The following LRRTM4 variants were observed in gnomAD, a reference collection of about 807,000 sequenced individuals.
LRRTM4 encodes the protein leucine-rich repeat transmembrane neuronal protein 4.
Under a neutral mutation model 47.6 loss-of-function variants are expected in LRRTM4, and 25 were observed. That is an observed-to-expected ratio of 0.53 (90% CI 0.38 to 0.73). The LOEUF (loss-of-function observed/expected upper bound fraction) is 0.73. Among genes scored for constraint, LRRTM4 ranks in the 30% least tolerant of loss-of-function variants. The pLI is 0.00. For missense variants in LRRTM4, 638 were observed against 713.4 expected, an observed-to-expected ratio of 0.89 and a Z score of 1.20; for synonymous variants, 311 against 269.5, an observed-to-expected ratio of 1.15 and a Z score of -1.51.
chr2:76,876,696 A>G (rs1292241261), intron 3 of LRRTM4, among the ~76,000 whole-genome samples: 1 of 151,994 alleles, frequency 6.6e-6, no homozygotes. Flanking sequence ...CACTATTAAC[A>G]TGACTTTTAG....
At chr2:76,871,720 A>G (rs759096829) in intron 3 of LRRTM4, among the ~76,000 whole-genome samples, 29 of 152,306 alleles carry the variant, frequency 1.9e-4, no homozygotes, top group Non-Finnish European at 3.8e-4. Context: ...TGTATTACAT[A>G]CAATTGTGTA....
At chr2:77,327,980 A>T (rs1670839944) in intron 3 of LRRTM4, among the ~76,000 whole-genome samples, 1 of 152,142 alleles carries the variant, frequency 6.6e-6, no homozygotes, top group African/African-American at 2.4e-5. Flanking sequence ...CTGAAAACAT[A>T]TAGGGAAAGA....
chr2:77,105,329 C>G (rs1671065988), intron 3 of LRRTM4, among the ~76,000 whole-genome samples: 1 of 151,970 alleles, frequency 6.6e-6, no homozygotes, highest in Non-Finnish European at 1.5e-5. Context: ...CATTGTTGGA[C>G]AAATGATGAG....
intron 3 of LRRTM4, among the ~76,000 whole-genome samples, chr2:77,247,627 G>C (rs183957357): frequency 6.6e-6 from 1 of 151,932 alleles, no homozygotes; most frequent in African/African-American, 2.4e-5. Context: ...TCATAACTTA[G>C]TTGCTCACCA....
At chr2:77,500,183 C>T (rs1170385424) in intron 3 of LRRTM4, among the ~76,000 whole-genome samples, 1 of 151,668 alleles carries the variant, frequency 6.6e-6, no homozygotes, top group Non-Finnish European at 1.5e-5. Flanking sequence ...GACCAAATCA[C>T]CCACAGTAAG....
chr2:77,214,142 A>T (rs7580546), intron 3 of LRRTM4, among the ~76,000 whole-genome samples: 29,982 of 152,040 alleles, frequency 0.2, 5,678 homozygotes, highest in African/African-American at 0.49. Flanking sequence ...ACTTGAGAGT[A>T]CATGATCTTA....
At chr2:77,510,250 C>CA (rs1558776597) in intron 3 of LRRTM4, among the ~76,000 whole-genome samples, 1 of 151,772 alleles carries the variant, frequency 6.6e-6, no homozygotes, top group Non-Finnish European at 1.5e-5. Context: ...TTAAAGGAAA[C>CA]AAGAAATCAA....
chr2:77,004,608 C>T (rs1281105067), intron 3 of LRRTM4, among the ~76,000 whole-genome samples: 8 of 152,178 alleles, frequency 5.3e-5, no homozygotes, highest in Admixed American at 5.2e-4. Flanking sequence ...TCGGAGCCCC[C>T]ACACAGAGTC....
chr2:77,168,172 T>C (rs1467932041), intron 3 of LRRTM4, among the ~76,000 whole-genome samples: 5 of 152,170 alleles, frequency 3.3e-5, no homozygotes, highest in Non-Finnish European at 7.4e-5. Flanking sequence ...TCATATGTTC[T>C]GTAATTTATA....
chr2:77,377,329 T>A (rs1405531283), intron 3 of LRRTM4, among the ~76,000 whole-genome samples: 2 of 151,972 alleles, frequency 1.3e-5, no homozygotes, highest in Non-Finnish European at 2.9e-5. Flanking sequence ...TATATTACAT[T>A]AGCTCACTAT....
intron 3 of LRRTM4, among the ~76,000 whole-genome samples, chr2:77,459,043 A>G (rs1480801376): frequency 6.6e-6 from 1 of 152,102 alleles, no homozygotes; most frequent in Non-Finnish European, 1.5e-5. Context: ...CTTACTTTGA[A>G]AAACCTGAAA....
chr2:77,109,756 A>G (rs1671196141), intron 3 of LRRTM4, among the ~76,000 whole-genome samples: 1 of 152,118 alleles, frequency 6.6e-6, no homozygotes, highest in South Asian at 2.1e-4. Context: ...AAAAACATGC[A>G]TAAAATTCTT....
intron 3 of LRRTM4, among the ~76,000 whole-genome samples, chr2:76,899,198 A>T (rs932131089): frequency 2.6e-5 from 4 of 151,928 alleles, no homozygotes; most frequent in African/African-American, 9.7e-5. Context: ...TTAACAATTT[A>T]TTCAACAAAT....
At chr2:77,059,538 G>A (rs781685829) in intron 3 of LRRTM4, among the ~76,000 whole-genome samples, 1 of 152,080 alleles carries the variant, frequency 6.6e-6, no homozygotes, top group African/African-American at 2.4e-5. Context: ...TGCCTGACCA[G>A]CATAATTTGT....
intron 3 of LRRTM4, among the ~76,000 whole-genome samples, chr2:77,007,609 T>C (rs1459923294): frequency 2.6e-5 from 4 of 152,214 alleles, no homozygotes; most frequent in Non-Finnish European, 4.4e-5. Context: ...CATAGGTTTG[T>C]TACTAACTTG....
intron 3 of LRRTM4, among the ~76,000 whole-genome samples, chr2:77,401,921 T>C (rs923509729): frequency 2.6e-5 from 4 of 152,006 alleles, no homozygotes; most frequent in Non-Finnish European, 5.9e-5. Context: ...GATTTCATTA[T>C]TTTGTTAAGT....
At chr2:76,932,220 T>A (rs1366007963) in intron 3 of LRRTM4, among the ~76,000 whole-genome samples, 1 of 152,096 alleles carries the variant, frequency 6.6e-6, no homozygotes, top group South Asian at 2.1e-4. Flanking sequence ...AAACCTGAAA[T>A]GACTGAACCT....
intron 3 of LRRTM4, among the ~76,000 whole-genome samples, chr2:77,060,560 A>G (rs569893748): frequency 4.9e-4 from 74 of 152,302 alleles, no homozygotes; most frequent in Non-Finnish European, 9.1e-4. Context: ...GCATAAAAAC[A>G]TGGGATTATA....
At chr2:76,994,658 G>C (rs1376066021) in intron 3 of LRRTM4, among the ~76,000 whole-genome samples, 1 of 152,018 alleles carries the variant, frequency 6.6e-6, no homozygotes, top group East Asian at 1.9e-4. Flanking sequence ...TGAAATATTA[G>C]CTTTTCAAGA....
Sources: gnomAD v4.1 joint callset for allele counts (sites outside exome capture counted in the v4.1 genomes callset) on GRCh38, gnomAD v4.1.1 for gene constraint, MANE v1.5 for transcripts, NCBI Gene and HGNC (gene_info 2026-07-23, HGNC 2026-07-21) for gene names.